Variants in VWA3B observed in about 807,000 individuals in gnomAD.
VWA3B encodes von Willebrand factor A domain-containing protein 3B.
Under a neutral mutation model 158.3 loss-of-function variants are expected in VWA3B, and 138 were observed. The ratio of observed to expected loss-of-function variants is 0.87; its 90% CI spans 0.76 to 1.00. VWA3B has a LOEUF of 1.00. Among genes scored for constraint, VWA3B ranks in the 50% least tolerant of loss-of-function variants. VWA3B has a pLI of 0.00. For synonymous variants in VWA3B, 596 were observed against 587.3 expected (o/e 1.01, Z -0.21); for missense variants, 1,555 against 1,565.1 (o/e 0.99, Z 0.11).
In VWA3B at chr2:98,312,290, T is replaced by G; in HGVS notation, c.3826T>G (p.Cys1276Gly). 1 of 1,614,142 alleles carries G rather than the reference T, an allele frequency of 6.2e-7. No individual in the cohort carries two copies. Among genetic ancestry groups the G allele is most frequent in the Non-Finnish European group, 8.5e-7 (1 of 1,179,996 alleles). The stretch of plus-strand genomic sequence containing the variant: ...ACCTCCACCTCGAGCAGCCCTGCCC[T>G]GTACTCTCCAAGCCACCCACAGCAG... ...ATPPPRAALP[C>G]TLQATHSSKG... is the part of the protein sequence containing the mutation. Residue 1276 changes from cysteine to glycine, a missense_variant, in exon 28 of 28, where the codon TGT becomes GGT. Transcript: ENST00000477737.
chr2:98,247,803 C>A (rs570549366), intron 19 of VWA3B, among the ~76,000 whole-genome samples: 39 of 152,084 alleles, frequency 2.6e-4, no homozygotes, highest in African/African-American at 8.2e-4. Flanking sequence ...GGACTTATTT[C>A]TTTCATTAAA....
chr2:98,113,093 A>G (rs1440369219), intron 2 of VWA3B, among the ~76,000 whole-genome samples: 2 of 151,768 alleles, frequency 1.3e-5, no homozygotes, highest in Non-Finnish European at 2.9e-5. Flanking sequence ...TACTTATAAT[A>G]TATTGAGGCC....
At chr2:98,322,738 C>A in the VWA3B span, among the ~76,000 whole-genome samples, 2 of 152,140 alleles carry the variant, frequency 1.3e-5, no homozygotes, top group African/African-American at 4.8e-5. Flanking sequence ...GAAATTTAAG[C>A]AAGGGAACCA....
chr2:98,290,414 C>T, intron 22 of VWA3B, 97 bp from the exon 23 acceptor site: 1 of 922,058 alleles, frequency 1.1e-6, no homozygotes, highest in East Asian at 2.8e-5. Flanking sequence ...GATGGGGACA[C>T]AGAGCCAAAC....
intron 22 of VWA3B, among the ~76,000 whole-genome samples, chr2:98,286,211 AT>A (rs1689158841): frequency 6.6e-6 from 1 of 152,094 alleles, no homozygotes; most frequent in African/African-American, 2.4e-5. Context: ...GAATCATGTC[AT>A]TTATGAATAA....
chr2:98,297,755 G>GT (rs1689900688), intron 23 of VWA3B, 152 bp from the exon 24 acceptor site: 2 of 1,062,332 alleles, frequency 1.9e-6, no homozygotes, highest in African/African-American at 3.3e-5. Flanking sequence ...GCATCCTATG[G>GT]TGCCCAAGAT....
At chr2:98,315,984 T>C (rs1271813643), downstream of VWA3B, among the ~76,000 whole-genome samples, 2 of 152,258 alleles carry the variant, frequency 1.3e-5, no homozygotes, top group Non-Finnish European at 2.9e-5. Flanking sequence ...TCACTATTCA[T>C]GTAGTTACGT....
intron 1 of VWA3B, among the ~76,000 whole-genome samples, chr2:98,088,464 T>C (rs1490536472): frequency 6.6e-6 from 1 of 152,200 alleles, no homozygotes; most frequent in Non-Finnish European, 1.5e-5. Flanking sequence ...GCTTAACCTT[T>C]CTATTTTCCC....
At chr2:98,305,585 C>T (rs58960654) in intron 26 of VWA3B, among the ~76,000 whole-genome samples, 2 of 152,142 alleles carry the variant, frequency 1.3e-5, no homozygotes, top group Non-Finnish European at 2.9e-5. Flanking sequence ...AAATTCAGCA[C>T]ATCTAAAACT....
At chr2:98,292,856 C>T (rs1235481654) in intron 23 of VWA3B, among the ~76,000 whole-genome samples, 2 of 151,676 alleles carry the variant, frequency 1.3e-5, no homozygotes, top group African/African-American at 2.4e-5. Flanking sequence ...CCCAGCTACT[C>T]GGGAGGCTGA....
At chr2:98,095,009 C>T (rs1377100376) in intron 2 of VWA3B, among the ~76,000 whole-genome samples, 1 of 152,112 alleles carries the variant, frequency 6.6e-6, no homozygotes, top group Admixed American at 6.5e-5. Context: ...CAGTATCATG[C>T]TGTTTTGATT....
chr2:98,144,900 C>T (rs1047913026), intron 7 of VWA3B, among the ~76,000 whole-genome samples: 2 of 152,192 alleles, frequency 1.3e-5, no homozygotes, highest in African/African-American at 4.8e-5. Flanking sequence ...GCAGTCTTTA[C>T]ACACTGAAAG....
chr2:98,105,635 G>T (rs1374267748), intron 2 of VWA3B, among the ~76,000 whole-genome samples: 1 of 152,054 alleles, frequency 6.6e-6, no homozygotes, highest in African/African-American at 2.4e-5. Context: ...GGCTGAGGTG[G>T]GAGGATTGCT....
intron 22 of VWA3B, among the ~76,000 whole-genome samples, chr2:98,281,161 A>T (rs1688856671): frequency 6.6e-6 from 1 of 152,116 alleles, no homozygotes; most frequent in Non-Finnish European, 1.5e-5. Context: ...CAGAGTCTGG[A>T]TACTTTCTGG....
At chr2:98,308,213 T>G (rs1027128927) in intron 26 of VWA3B, among the ~76,000 whole-genome samples, 2 of 152,216 alleles carry the variant, frequency 1.3e-5, no homozygotes, top group African/African-American at 4.8e-5. Context: ...ATTTGCAATG[T>G]GAAACCAGCT....
intron 7 of VWA3B, among the ~76,000 whole-genome samples, chr2:98,156,763 C>T (rs2105205235): frequency 6.7e-6 from 1 of 150,042 alleles, no homozygotes; most frequent in South Asian, 2.1e-4. Context: ...TGAGTTGATG[C>T]CTTATAAATG....
At chr2:98,156,796 T>C (rs1678120720) in intron 7 of VWA3B, among the ~76,000 whole-genome samples, 1 of 151,626 alleles carries the variant, frequency 6.6e-6, no homozygotes, top group Admixed American at 6.6e-5. Flanking sequence ...CTAAGTAGAA[T>C]AGATTTATTC....
chr2:98,290,741 G>C (rs1419569641), intron 23 of VWA3B, 119 bp downstream of exon 23: 2 of 712,208 alleles, frequency 2.8e-6, no homozygotes, highest in East Asian at 5.7e-5. Context: ...GCCTGAGCTA[G>C]TCCACTTTTC....
chr2:98,302,212 T>TC lies in VWA3B; in HGVS notation c.3421-1485dup, dbSNP rs201143143. Among the ~76,000 whole-genome samples, 962 of 151,928 alleles carry TC rather than the reference T, an allele frequency of 6.3e-3. 6 individuals carry two copies. Among genetic ancestry groups the TC allele is most frequent in the African/African-American group, 0.022 (904 of 41,424 alleles). On this transcript the variant is annotated intron_variant, in intron 25 of 27. Coordinates refer to ENST00000477737, the MANE Select transcript of VWA3B (RefSeq NM_144992.5). ...CCTGGACTGCCCTCCCCATCTCCTCTCCCCCAAACTCCCGTCACCCTAAAG... is the reference window on the plus strand; with the variant it reads ...CCTGGACTGCCCTCCCCATCTCCTCTCCCCCCAAACTCCCGTCACCCTAAAG...
Sources: gnomAD v4.1 joint callset for allele counts (sites outside exome capture counted in the v4.1 genomes callset) on GRCh38, gnomAD v4.1.1 for gene constraint, MANE v1.5 for transcripts, NCBI Gene and HGNC (gene_info 2026-07-23, HGNC 2026-07-21) for gene names.